The following AK4 variants were observed in gnomAD, a reference collection of about 807,000 sequenced individuals.
AK4 encodes adenylate kinase 4.
AK4 carries 13 observed loss-of-function variants against 24.6 expected under a neutral mutation model. The observed-to-expected ratio is 0.53, with a 90% CI of 0.34 to 0.84. AK4 has a LOEUF of 0.84. Among genes scored for constraint, AK4 ranks in the 40% least tolerant of loss-of-function variants. The pLI, the probability that AK4 is intolerant of heterozygous loss-of-function variation, is 0.01. For synonymous variants in AK4, 88 were observed against 107.0 expected (o/e 0.82, Z 1.10); for missense variants, 192 against 288.2 (o/e 0.67, Z 2.42).
intron 2 of AK4, among the ~76,000 whole-genome samples, chr1:65,203,193 A>C (rs922527635): frequency 3.3e-5 from 5 of 151,980 alleles, no homozygotes; most frequent in African/African-American, 1.2e-4. Context: ...GAGCAAGCAA[A>C]GTTTTCTTTC....
chr1:65,181,492 G>C (rs1650906533), intron 1 of AK4, among the ~76,000 whole-genome samples: 1 of 151,664 alleles, frequency 6.6e-6, no homozygotes, highest in Non-Finnish European at 1.5e-5. Context: ...CGCCTCCCAG[G>C]TTCAAGGCCT....
intron 2 of AK4, among the ~76,000 whole-genome samples, chr1:65,195,944 A>G (rs1345822273): frequency 6.6e-6 from 1 of 152,198 alleles, no homozygotes; most frequent in Non-Finnish European, 1.5e-5. Flanking sequence ...TCAGGGTTGA[A>G]TAACTGAAGT....
intron 1 of AK4, among the ~76,000 whole-genome samples, chr1:65,151,766 T>A (rs10889523): frequency 0.33 from 50,356 of 152,070 alleles, 9,271 homozygotes; most frequent in East Asian, 0.53. Context: ...TGGTAAAAGT[T>A]TGTGCTTAAT....
At chr1:65,157,056 A>C (rs1214468921) in intron 1 of AK4, among the ~76,000 whole-genome samples, 5 of 152,178 alleles carry the variant, frequency 3.3e-5, no homozygotes, top group African/African-American at 1.2e-4. Flanking sequence ...CTAATGAGAA[A>C]AGTACTGTTA....
chr1:65,231,991 G>T lies in AK4; in HGVS notation c.*5814G>T, dbSNP rs1652661719. On this transcript the variant is annotated 3_prime_UTR_variant, in exon 5 of 5. Coordinates refer to ENST00000327299, the MANE Select transcript of AK4 (RefSeq NM_013410.4). ...ACAGTTGCTGGCCCTCTTAATTTTG[G>T]TGTATGTGCTTCCAAGTATCTAAAC... 1 of 152,062 alleles carries T rather than the reference G, an allele frequency of 6.6e-6. No individual in the cohort carries two copies. The highest frequency in any genetic ancestry group is 1.5e-5 in the Non-Finnish European group (1 of 68,006). 9.4% of individuals were successfully genotyped at this position (152,062 alleles called of 1,614,324 possible).
At chr1:65,158,314 C>T (rs1650043657) in intron 1 of AK4, among the ~76,000 whole-genome samples, 1 of 152,172 alleles carries the variant, frequency 6.6e-6, no homozygotes. Context: ...TACCTGTTCC[C>T]TTCAAAATCT....
intron 2 of AK4, among the ~76,000 whole-genome samples, chr1:65,208,085 G>GTA (rs1287021883): frequency 6.6e-6 from 1 of 152,070 alleles, no homozygotes; most frequent in Non-Finnish European, 1.5e-5. Context: ...GCTGATAGTC[G>GTA]TAAGTTCTTT....
chr1:65,164,690 C>G (rs771592688), intron 1 of AK4, among the ~76,000 whole-genome samples: 24 of 152,186 alleles, frequency 1.6e-4, no homozygotes, highest in Non-Finnish European at 3.1e-4. Flanking sequence ...AATATTTTCT[C>G]CTATCCTGTT....
At chr1:65,209,816 T>TC (rs1651917960) in intron 2 of AK4, among the ~76,000 whole-genome samples, 1 of 152,156 alleles carries the variant, frequency 6.6e-6, no homozygotes, top group Non-Finnish European at 1.5e-5. Context: ...TTCTTTTTTT[T>TC]CTTTTTTTGA....
chr1:65,148,288 C>T lies in AK4; in HGVS notation c.-120C>T. 2.2e-6 allele frequency: 3 copies of T among 1,356,704 alleles called. No individual in the cohort carries two copies. Among genetic ancestry groups the T allele is most frequent in the South Asian group, 3.1e-5 (2 of 64,346 alleles). The allele number at this position is 1,356,704 out of a possible 1,614,324, so 84.0% of individuals were successfully genotyped here. A position where few individuals can be genotyped will look rare whatever the true frequency, so the allele number is the denominator to read the frequency against. On this transcript the variant is annotated 5_prime_UTR_variant, in exon 1 of 5. Coordinates refer to ENST00000327299, the MANE Select transcript of AK4 (RefSeq NM_013410.4). ...TCCTTCCCCCTGTAGGGGCGGCCGG[C>T]GAGTCCCAGTGAGAGCGGAGGGTGC...
intron 4 of AK4, among the ~76,000 whole-genome samples, chr1:65,225,803 A>G (rs888082026): frequency 3.3e-5 from 5 of 152,182 alleles, no homozygotes; most frequent in African/African-American, 1.2e-4. Context: ...AATGGCCCCT[A>G]TAATGCTATT....
rs550192462 is a variant in AK4 at position 65,151,356 on chromosome 1, T to C, written c.145+2804T>C. Among the ~76,000 whole-genome samples the C allele has an allele frequency of 2.0e-5, 3 of 152,298 alleles. No individual in the cohort carries two copies. In the South Asian group the frequency reaches 6.2e-4, roughly 32 times the overall value. ...TGCCTGTCTCACACCCAGTAAGATA[T>C]CTGCTGAGTGGCTGCTGTGCGTCAA... On this transcript the variant is annotated intron_variant, in intron 1 of 4. Coordinates refer to ENST00000327299, the MANE Select transcript of AK4 (RefSeq NM_013410.4).
In AK4 at chr1:65,208,207, C is replaced by G. The variant is rs145953184; in HGVS notation, c.266-10547C>G. On this transcript the variant is annotated intron_variant, in intron 2 of 4. Transcript: ENST00000327299. ...CTTGCTGGCATTTGTTGTTTTTTTA[C>G]TTTTTCGTAGTAGGACAGCTGCTGC... Among the ~76,000 whole-genome samples the G allele has an allele frequency of 3.3e-4, 50 of 152,192 alleles. No homozygotes were observed. In the East Asian group the frequency reaches 7.7e-3, roughly 24 times the overall value.
intron 2 of AK4, among the ~76,000 whole-genome samples, chr1:65,201,328 G>A (rs1334629992): frequency 6.6e-6 from 1 of 152,066 alleles, no homozygotes; most frequent in East Asian, 1.9e-4. Context: ...TCCATTTCCA[G>A]TGTTTTTCTT....
Position 65,182,421 on chromosome 1 carries a change from G to T in AK4, c.146-8289G>T, listed in dbSNP as rs141089630. On this transcript the variant is annotated intron_variant, in intron 1 of 4. Coordinates refer to ENST00000327299, the MANE Select transcript of AK4 (RefSeq NM_013410.4). Reference sequence around the variant, plus strand: ...ATAGGTTACTGCACAGCTGACTTCTGGCATGTACTTTTCCTTTCCTGTGTC... The same window carrying T: ...ATAGGTTACTGCACAGCTGACTTCTTGCATGTACTTTTCCTTTCCTGTGTC... Among the ~76,000 whole-genome samples the T allele has an allele frequency of 2.1e-3, 315 of 152,144 alleles. 1 individual carries two copies. Among genetic ancestry groups the T allele is most frequent in the African/African-American group, 7.4e-3 (306 of 41,490 alleles).
At chr1:65,193,949 G>A (rs1651389084) in intron 2 of AK4, among the ~76,000 whole-genome samples, 2 of 152,120 alleles carry the variant, frequency 1.3e-5, no homozygotes, top group South Asian at 4.1e-4. Flanking sequence ...AAAATTAGCC[G>A]GGTGTGGTGG....
intron 1 of AK4, chr1:65,165,923 C>T (rs1172394304): frequency 6.6e-6 from 1 of 152,242 alleles, no homozygotes; most frequent in African/African-American, 2.4e-5. Flanking sequence ...CCATTTAACA[C>T]AAGGAGGGCA....
intron 1 of AK4, among the ~76,000 whole-genome samples, chr1:65,152,933 T>C (rs1425119913): frequency 6.6e-6 from 1 of 152,208 alleles, no homozygotes; most frequent in Non-Finnish European, 1.5e-5. Context: ...AGTTCAACAA[T>C]GTATCTAAAA....
At chr1:65,205,967 G>C (rs1445086233) in intron 2 of AK4, among the ~76,000 whole-genome samples, 1 of 152,114 alleles carries the variant, frequency 6.6e-6, no homozygotes, top group Admixed American at 6.5e-5. Context: ...TGCACTTACT[G>C]TTCCCTCTAC....
Sources: gnomAD v4.1 joint callset for allele counts (sites outside exome capture counted in the v4.1 genomes callset) on GRCh38, gnomAD v4.1.1 for gene constraint, MANE v1.5 for transcripts, NCBI Gene and HGNC (gene_info 2026-07-23, HGNC 2026-07-21) for gene names.